The following AAK1 variants were observed in gnomAD, a reference collection of about 807,000 sequenced individuals.
AAK1 encodes AP2 associated kinase 1.
Under a neutral mutation model 116.0 loss-of-function variants are expected in AAK1, and 37 were observed. The ratio of observed to expected loss-of-function variants is 0.32; its 90% CI spans 0.25 to 0.42. The LOEUF is 0.42. Among genes scored for constraint, AAK1 ranks in the 10% least tolerant of loss-of-function variants. The pLI is 1.00. For missense variants in AAK1, 919 were observed against 1,170.6 expected (o/e 0.79, Z 3.14); for synonymous variants, 458 against 439.9 (o/e 1.04, Z -0.51).
In AAK1 at chr2:69,471,640, A is replaced by T. The variant is rs73934959; in HGVS notation, c.*4229T>A. Reference sequence around the variant, plus strand: ...ATGGGAGCCTGATAATCTTGCAGACAGAGAAGGTTAAGGACTCTGGGAAAT... The same window carrying T: ...ATGGGAGCCTGATAATCTTGCAGACTGAGAAGGTTAAGGACTCTGGGAAAT... On this transcript the variant is annotated 3_prime_UTR_variant, in exon 22 of 22. Transcript: ENST00000409085. The T allele has an allele frequency of 0.028, 27,423 of 985,274 alleles. 3,578 individuals are homozygous for T. The African/African-American group carries it at 0.32, about 11-fold the overall frequency. The allele number at this position is 985,274 out of a possible 1,614,324, so 61.0% of individuals were successfully genotyped here. A position where few individuals can be genotyped will look rare whatever the true frequency, so the allele number is the denominator to read the frequency against.
At chr2:69,632,527 T>C (rs1383356497) in intron 2 of AAK1, among the ~76,000 whole-genome samples, 1 of 152,222 alleles carries the variant, frequency 6.6e-6, no homozygotes, top group African/African-American at 2.4e-5. Context: ...AGACAGTAGT[T>C]GGGAGTTGCT....
intron 3 of AAK1, 142 bp downstream of exon 3, chr2:69,556,718 T>G: frequency 4.7e-6 from 3 of 642,442 alleles, no homozygotes; most frequent in Non-Finnish European, 8.3e-6. Flanking sequence ...GTGTCCTATA[T>G]CCCATGGCTG....
Position 69,470,507 on chromosome 2 carries a change from G to T in AAK1, c.*5362C>A, listed in dbSNP as rs779915324. ...GAGGGACCTCATGGAAGCCAAAAAT[G>T]GCCAGCTGTGCCTCTCAGGCCAATG... On this transcript the variant is annotated 3_prime_UTR_variant, in exon 22 of 22. Coordinates refer to ENST00000409085, the MANE Select transcript of AAK1 (RefSeq NM_014911.5). The T allele has an allele frequency of 1.3e-5, 13 of 985,438 alleles. No individual in the cohort carries two copies. The highest frequency in any genetic ancestry group is 1.6e-5 in the Non-Finnish European group (13 of 829,932). 61.0% of individuals were successfully genotyped at this position (985,438 alleles called of 1,614,324 possible). A position where few individuals can be genotyped will look rare whatever the true frequency, so the allele number is the denominator to read the frequency against.
intron 11 of AAK1, 85 bp from the exon 12 acceptor site, chr2:69,519,325 G>C: frequency 6.9e-7 from 1 of 1,454,766 alleles, no homozygotes; most frequent in Non-Finnish European, 9.1e-7. Context: ...AACTAATAGG[G>C]GGTGACAAGT....
At chr2:69,639,894 T>C (rs1335745595) in intron 2 of AAK1, among the ~76,000 whole-genome samples, 1 of 151,894 alleles carries the variant, frequency 6.6e-6, no homozygotes, top group Non-Finnish European at 1.5e-5. Context: ...TGTTAAGCCT[T>C]TAAGGAGCTG....
chr2:69,641,157 T>TG (rs567623444), intron 2 of AAK1, among the ~76,000 whole-genome samples: 44 of 152,304 alleles, frequency 2.9e-4, no homozygotes, highest in African/African-American at 9.4e-4. Flanking sequence ...CTCTCACACT[T>TG]GGAGAACATG....
Position 69,467,134 on chromosome 2 carries a change from T to A in AAK1, c.*8735A>T, listed in dbSNP as rs1370936840. 1.0e-6 allele frequency: 1 copy of A among 985,318 alleles called. No individual in the cohort carries two copies. The highest frequency in any genetic ancestry group is 1.1e-4 in the East Asian group (1 of 8,826). 61.0% of individuals were successfully genotyped at this position (985,318 alleles called of 1,614,324 possible). ...CCAAAATATAAATACTGAAGGTACCTTCTGAGGGGAGCATACAGCATCAAA... is the reference window on the plus strand; with the variant it reads ...CCAAAATATAAATACTGAAGGTACCATCTGAGGGGAGCATACAGCATCAAA... On this transcript the variant is annotated 3_prime_UTR_variant, in exon 22 of 22. Transcript: ENST00000409085.
intron 16 of AAK1, among the ~76,000 whole-genome samples, chr2:69,504,808 C>A (rs1036590328): frequency 6.6e-6 from 1 of 152,122 alleles, no homozygotes; most frequent in East Asian, 1.9e-4. Context: ...GTCAGGGAGA[C>A]CTATAACTTT....
At chr2:69,634,273 G>A (rs1000866594) in intron 2 of AAK1, among the ~76,000 whole-genome samples, 10 of 152,158 alleles carry the variant, frequency 6.6e-5, no homozygotes, top group Non-Finnish European at 1.0e-4. Flanking sequence ...GGAGCCTCGG[G>A]TTCAAGTTCA....
intron 2 of AAK1, among the ~76,000 whole-genome samples, chr2:69,563,907 A>T (rs1476800633): frequency 2.0e-5 from 3 of 152,124 alleles, no homozygotes; most frequent in Non-Finnish European, 2.9e-5. Context: ...ATTAAGACTA[A>T]ATTAGGCCAG....
At chr2:69,567,517 T>C (rs1399248962) in intron 2 of AAK1, among the ~76,000 whole-genome samples, 2 of 152,182 alleles carry the variant, frequency 1.3e-5, no homozygotes. Flanking sequence ...TCTCAAGTGT[T>C]TGTTATACAA....
At chr2:69,631,396 T>C (rs925662920) in intron 2 of AAK1, among the ~76,000 whole-genome samples, 4 of 152,244 alleles carry the variant, frequency 2.6e-5, no homozygotes, top group African/African-American at 9.6e-5. Flanking sequence ...CAAAAGATAA[T>C]CTAGCATCAA....
chr2:69,629,669 C>A (rs1183557689), intron 2 of AAK1, among the ~76,000 whole-genome samples: 2 of 152,178 alleles, frequency 1.3e-5, no homozygotes, highest in African/African-American at 4.8e-5. Flanking sequence ...CGTCTAGTCT[C>A]TCCTGCCTGC....
At position 69,460,778 on chromosome 2, in the gene AAK1, ATG is replaced by A. The variant is rs1297919243; in HGVS notation, c.*15089_*15090del. The A allele has an allele frequency of 6.6e-6, 1 of 152,244 alleles. No homozygotes were observed. The highest frequency in any genetic ancestry group is 2.4e-5 in the African/African-American group (1 of 41,462). 9.4% of individuals were successfully genotyped at this position (152,244 alleles called of 1,614,324 possible). A position where few individuals can be genotyped will look rare whatever the true frequency, so the allele number is the denominator to read the frequency against. On this transcript the variant is annotated 3_prime_UTR_variant, in exon 22 of 22. Transcript: ENST00000409085. ...CAAGCACTTGGAACTAAAGGGCTGT[ATG>A]TGAGCCCAAGAAACTGATATATTAA...
At chr2:69,492,518 CTTTTTTTT>C (rs987331929) in intron 17 of AAK1, among the ~76,000 whole-genome samples, 17 of 83,402 alleles carry the variant, frequency 2.0e-4, no homozygotes, top group African/African-American at 7.9e-4. Context: ...CTGGCCAATT[CTTTTTTTT>C]TTTTTTTTTT....
Position 69,544,366 on chromosome 2 carries a change from T to C in AAK1, c.391+70A>G, listed in dbSNP as rs764575232. The C allele has an allele frequency of 3.9e-6, 5 of 1,272,614 alleles. No individual in the cohort carries two copies. In the African/African-American group the frequency reaches 7.3e-5, roughly 19 times the overall value. 78.8% of individuals were successfully genotyped at this position (1,272,614 alleles called of 1,614,324 possible). On this transcript the variant is annotated intron_variant, in intron 4 of 21. Coordinates refer to ENST00000409085, the MANE Select transcript of AAK1 (RefSeq NM_014911.5). ...AGAGTGCAGTGCACATTAAGTGAAA[T>C]GACCACCCTAACCATGACAATCAAA...
chr2:69,621,968 C>CA (rs1199163350), intron 2 of AAK1, among the ~76,000 whole-genome samples: 6 of 152,254 alleles, frequency 3.9e-5, no homozygotes, highest in Non-Finnish European at 7.3e-5. Context: ...TCGGCCTTGG[C>CA]GCCCACTCTG....
At chr2:69,499,806 T>C (rs953133766) in intron 16 of AAK1, 1 of 152,214 alleles carries the variant, frequency 6.6e-6, no homozygotes, top group African/African-American at 2.4e-5. Context: ...AAAATTTATA[T>C]GCAGAAATAA....
chr2:69,543,281 A>T (rs1300145964), intron 4 of AAK1, among the ~76,000 whole-genome samples: 1 of 152,220 alleles, frequency 6.6e-6, no homozygotes, highest in Non-Finnish European at 1.5e-5. Flanking sequence ...AATGAGCAGG[A>T]GGAAACAAAC....
Sources: allele counts gnomAD v4.1 joint callset (sites outside exome capture counted in the v4.1 genomes callset), GRCh38; gene constraint gnomAD v4.1.1; transcripts MANE v1.5; gene names NCBI Gene and HGNC (gene_info 2026-07-23, HGNC 2026-07-21).